The following HMBOX1 variants were observed in gnomAD, a reference collection of about 807,000 sequenced individuals.
HMBOX1 encodes homeobox-containing protein 1.
A neutral mutation model predicts 54.5 loss-of-function variants in HMBOX1; 14 were observed. The observed-to-expected ratio is 0.26, with a 90% CI of 0.17 to 0.40. The LOEUF (loss-of-function observed/expected upper bound fraction) is 0.40. HMBOX1 is among the 10% of genes least tolerant of loss of function. The pLI is 1.00. For synonymous variants in HMBOX1, 160 were observed against 181.0 expected (o/e 0.88, Z 0.93); for missense variants, 332 against 514.4 (o/e 0.65, Z 3.43).
chr8:28,897,125 A>G (rs1434363772), intron 1 of HMBOX1, among the ~76,000 whole-genome samples: 1 of 151,838 alleles, frequency 6.6e-6, no homozygotes, highest in African/African-American at 2.4e-5. Flanking sequence ...AGCTGGGATT[A>G]TGGGCATGCG....
chr8:28,994,816 T>C (rs1319753381), intron 4 of HMBOX1, among the ~76,000 whole-genome samples: 2 of 152,132 alleles, frequency 1.3e-5, no homozygotes, highest in Non-Finnish European at 2.9e-5. Flanking sequence ...GTGTAACTTA[T>C]GCAAGACAAA....
intron 6 of HMBOX1, among the ~76,000 whole-genome samples, chr8:29,038,753 T>C (rs1804335201): frequency 6.6e-6 from 1 of 152,202 alleles, no homozygotes; most frequent in African/African-American, 2.4e-5. Flanking sequence ...CCTAACTGGC[T>C]TCTGCCTCTA....
At chr8:28,913,196 A>C (rs887046420) in intron 1 of HMBOX1, among the ~76,000 whole-genome samples, 1 of 152,186 alleles carries the variant, frequency 6.6e-6, no homozygotes, top group Non-Finnish European at 1.5e-5. Context: ...CAAGATGGAT[A>C]ATGTTATCCT....
At chr8:28,976,715 T>C (rs1252925522) in intron 3 of HMBOX1, among the ~76,000 whole-genome samples, 2 of 150,438 alleles carry the variant, frequency 1.3e-5, no homozygotes, top group African/African-American at 2.4e-5. Flanking sequence ...TTTTCTTTTT[T>C]TTTTTTTTTG....
chr8:28,918,718 G>A (rs915489966), intron 1 of HMBOX1, among the ~76,000 whole-genome samples: 8 of 152,132 alleles, frequency 5.3e-5, no homozygotes, highest in African/African-American at 1.4e-4. Context: ...CCACCAGCAC[G>A]CCGAGTTTAA....
chr8:28,925,586 ACCTTGACCC>A (rs1818307976), intron 1 of HMBOX1, among the ~76,000 whole-genome samples: 3 of 152,054 alleles, frequency 2.0e-5, no homozygotes, highest in African/African-American at 7.2e-5. Flanking sequence ...CAGGTAAACC[ACCTTGACCC>A]TGTCAGAAAT....
chr8:28,980,042 T>A, intron 3 of HMBOX1, 29 bp from the exon 4 acceptor site: 1 of 1,474,324 alleles, frequency 6.8e-7, no homozygotes, highest in East Asian at 2.3e-5. Context: ...TCAACATACA[T>A]TGTTGGTCTT....
At position 28,980,131 on chromosome 8, in the gene HMBOX1, C is replaced by G; in HGVS notation, c.561C>G (p.Ser187=). The change falls in exon 4 of 10, where the codon TCC becomes TCG. Residue 187 remains serine (S), a synonymous_variant. Coordinates refer to ENST00000287701, the MANE Select transcript of HMBOX1 (RefSeq NM_001135726.3). The part of the protein sequence containing the change: ...IKAFLANRRI[S]QAVVAQVTGI... Reference sequence around the variant, plus strand: ...CCTTTCTTGCCAATCGGAGGATTTCCCAAGCAGTTGTTGCACAGGTAACAG... The same window carrying G: ...CCTTTCTTGCCAATCGGAGGATTTCGCAAGCAGTTGTTGCACAGGTAACAG... 1 of 1,613,696 alleles carries G rather than the reference C, an allele frequency of 6.2e-7. No homozygotes were observed. The highest frequency in any genetic ancestry group is 8.5e-7 in the Non-Finnish European group (1 of 1,179,656).
chr8:29,048,120 A>G (rs1158442531), intron 8 of HMBOX1, among the ~76,000 whole-genome samples: 1 of 152,208 alleles, frequency 6.6e-6, no homozygotes, highest in Non-Finnish European at 1.5e-5. Context: ...CTTCATTATT[A>G]CTGGACTATG....
chr8:28,939,565 T>C (rs562756003), intron 1 of HMBOX1, among the ~76,000 whole-genome samples: 106 of 152,150 alleles, frequency 7.0e-4, no homozygotes, highest in Admixed American at 1.2e-3. Flanking sequence ...TGGAGTGCAG[T>C]GGTGCCATCT....
chr8:28,980,762 G>A (rs1004411861), intron 4 of HMBOX1, among the ~76,000 whole-genome samples: 1 of 152,038 alleles, frequency 6.6e-6, no homozygotes, highest in African/African-American at 2.4e-5. Flanking sequence ...GGGGGCAGAT[G>A]TCTTTTCCTT....
chr8:28,934,048 C>T (rs1335590993), intron 1 of HMBOX1, among the ~76,000 whole-genome samples: 1 of 152,054 alleles, frequency 6.6e-6, no homozygotes, highest in Non-Finnish European at 1.5e-5. Flanking sequence ...GAAACATATG[C>T]AGAAATCCTT....
intron 4 of HMBOX1, among the ~76,000 whole-genome samples, chr8:29,006,595 G>T (rs1333062723): frequency 6.6e-6 from 1 of 151,950 alleles, no homozygotes; most frequent in African/African-American, 2.4e-5. Flanking sequence ...TTGTTTGGTT[G>T]GTTCTGCTTT....
rs531077750 is a variant in HMBOX1 at position 29,009,240 on chromosome 8, C to T, written c.697+58C>T. The T allele has an allele frequency of 7.4e-6, 10 of 1,345,960 alleles. No individual in the cohort carries two copies. In the Admixed American group the frequency reaches 1.5e-4, roughly 21 times the overall value. The allele number at this position is 1,345,960 out of a possible 1,614,324, so 83.4% of individuals were successfully genotyped here. A position where few individuals can be genotyped will look rare whatever the true frequency, so the allele number is the denominator to read the frequency against. On this transcript the variant is annotated intron_variant, in intron 5 of 9. Coordinates refer to ENST00000287701, the MANE Select transcript of HMBOX1 (RefSeq NM_001135726.3). Reference sequence around the variant, plus strand: ...GAAACAAGACAGATATAATGAATTACTTTAATGACTCCATGTGCTAACTTG... The same window carrying T: ...GAAACAAGACAGATATAATGAATTATTTTAATGACTCCATGTGCTAACTTG...
chr8:28,912,175 T>C (rs982493885), intron 1 of HMBOX1, among the ~76,000 whole-genome samples: 3 of 152,208 alleles, frequency 2.0e-5, no homozygotes, highest in Admixed American at 2.0e-4. Flanking sequence ...GTATTAAATG[T>C]GTATTCAACA....
At chr8:28,978,081 A>AT (rs758038366) in intron 3 of HMBOX1, among the ~76,000 whole-genome samples, 1 of 152,318 alleles carries the variant, frequency 6.6e-6, no homozygotes, top group East Asian at 1.9e-4. Context: ...CTTTAGGAAT[A>AT]TTTTTGATCA....
At chr8:29,016,687 CAT>C (rs1245613400) in intron 5 of HMBOX1, among the ~76,000 whole-genome samples, 1 of 152,208 alleles carries the variant, frequency 6.6e-6, no homozygotes, top group East Asian at 1.9e-4. Context: ...GAAACTCACT[CAT>C]GTGGATGTGG....
chr8:28,983,195 A>G (rs1357761863), intron 4 of HMBOX1, among the ~76,000 whole-genome samples: 2 of 152,148 alleles, frequency 1.3e-5, no homozygotes, highest in East Asian at 3.8e-4. Context: ...TTCTACTCCA[A>G]AAGCTTGCAT....
chr8:29,028,462 T>C (rs10111996), intron 6 of HMBOX1, among the ~76,000 whole-genome samples: 5,194 of 152,278 alleles, frequency 0.034, 284 homozygotes, highest in African/African-American at 0.12. Context: ...TTTTCTTGGT[T>C]TTCACTGCAT....
Sources: gnomAD v4.1 joint callset for allele counts (sites outside exome capture counted in the v4.1 genomes callset) on GRCh38, gnomAD v4.1.1 for gene constraint, MANE v1.5 for transcripts, NCBI Gene and HGNC (gene_info 2026-07-23, HGNC 2026-07-21) for gene names.